B3GALT5: variants seen among roughly 807,000 people sequenced by gnomAD.
B3GALT5 encodes beta-1,3-galactosyltransferase 5, also known as UDP-Gal:betaGlcNAc beta 1,3-galactosyltransferase, polypeptide 5.
For missense variants in B3GALT5, 328 were observed against 396.6 expected, an observed-to-expected ratio of 0.83 and a Z score of 1.47; for synonymous variants, 156 against 158.6, an observed-to-expected ratio of 0.98 and a Z score of 0.12.
chr21:39,643,253 G>A lies in B3GALT5; in HGVS notation c.-391-3139G>A, dbSNP rs118166176. On this transcript the variant is annotated intron_variant, in intron 1 of 3. Transcript: ENST00000684187. ...AAGCCCATCAGTGCAGTTTCATGTT[G>A]GTGAAAATAAAAGCCTGGGCCGGGC... Among the ~76,000 whole-genome samples the A allele has an allele frequency of 4.2e-3, 626 of 149,970 alleles. 5 individuals carry two copies. The highest frequency in any genetic ancestry group is 0.025 in the East Asian group (125 of 4,948).
At position 39,639,412 on chromosome 21, in the gene B3GALT5, CTTTCTT is replaced by C. The variant is rs1355080751; in HGVS notation, c.-391-6978_-391-6973del. ...CTTCCTTCTTTCTTTTTCTTTCTTT[CTTTCTT>C]TCTTTCTTTCTTTCTTTCTTTCTTT... is the stretch of plus-strand genomic sequence containing the variant. On this transcript the variant is annotated intron_variant, in intron 1 of 3. Transcript: ENST00000684187. Among the ~76,000 whole-genome samples the C allele has an allele frequency of 1.6e-3, 156 of 99,110 alleles. 4 individuals are homozygous for C. The highest frequency in any genetic ancestry group is 2.3e-3 in the Admixed American group (22 of 9,362). The allele number at this position is 99,110 out of a possible 152,430, so 65.0% of individuals were successfully genotyped here. A position where few individuals can be genotyped will look rare whatever the true frequency, so the allele number is the denominator to read the frequency against.
intron 1 of B3GALT5, among the ~76,000 whole-genome samples, chr21:39,629,549 A>C (rs1374083848): frequency 6.6e-6 from 1 of 152,090 alleles, no homozygotes; most frequent in Admixed American, 6.6e-5. Context: ...ACTTTCTGTA[A>C]CTTTTTAGAA....
At chr21:39,631,129 T>C (rs1475203160) in intron 1 of B3GALT5, among the ~76,000 whole-genome samples, 1 of 152,196 alleles carries the variant, frequency 6.6e-6, no homozygotes, top group Non-Finnish European at 1.5e-5. Context: ...ATGTAGTAAA[T>C]GTATTAGTTT....
At chr21:39,637,235 C>T (rs760987012) in intron 1 of B3GALT5, among the ~76,000 whole-genome samples, 29 of 152,192 alleles carry the variant, frequency 1.9e-4, no homozygotes, top group Non-Finnish European at 2.9e-4. Flanking sequence ...GATGTCTGTT[C>T]CTGCACTTGC....
chr21:39,619,791 A>G (rs1490534140), intron 1 of B3GALT5, among the ~76,000 whole-genome samples: 2 of 151,916 alleles, frequency 1.3e-5, no homozygotes, highest in African/African-American at 4.8e-5. Flanking sequence ...CTTTTCAGCC[A>G]TTCTTTTTCT....
chr21:39,658,706 G>C (rs777955210), intron 2 of B3GALT5, among the ~76,000 whole-genome samples: 1 of 152,134 alleles, frequency 6.6e-6, no homozygotes, highest in Non-Finnish European at 1.5e-5. Flanking sequence ...GACAAGTTCT[G>C]GTCTCCTGCT....
chr21:39,639,119 G>A (rs770247741), intron 1 of B3GALT5, among the ~76,000 whole-genome samples: 17 of 152,128 alleles, frequency 1.1e-4, no homozygotes, highest in Non-Finnish European at 1.5e-4. Flanking sequence ...CCATGTAGAC[G>A]GAAGCCACTT....
chr21:39,619,501 T>C (rs949223995), intron 1 of B3GALT5, among the ~76,000 whole-genome samples: 2 of 152,196 alleles, frequency 1.3e-5, no homozygotes, highest in Non-Finnish European at 2.9e-5. Flanking sequence ...AAGTATCTTA[T>C]TGATGTAATA....
chr21:39,615,699 G>C (rs981351860), intron 1 of B3GALT5, among the ~76,000 whole-genome samples: 1 of 152,142 alleles, frequency 6.6e-6, no homozygotes, highest in Non-Finnish European at 1.5e-5. Context: ...CCTCAGTTTC[G>C]TTAATTGAAA....
At chr21:39,632,098 C>T (rs1368777614) in intron 1 of B3GALT5, among the ~76,000 whole-genome samples, 2 of 152,160 alleles carry the variant, frequency 1.3e-5, no homozygotes, top group Non-Finnish European at 2.9e-5. Context: ...GAAGTTCTGC[C>T]TGACAGCCTG....
chr21:39,651,514 A>G (rs2079395135), intron 2 of B3GALT5, among the ~76,000 whole-genome samples: 1 of 152,186 alleles, frequency 6.6e-6, no homozygotes, highest in African/African-American at 2.4e-5. Context: ...TCCCTGGAGA[A>G]ATACCCATCA....
At chr21:39,657,557 A>C (rs1602301122) in intron 2 of B3GALT5, 2 of 213,856 alleles carry the variant, frequency 9.4e-6, no homozygotes, top group Non-Finnish European at 1.8e-5. Flanking sequence ...ACTGAGCCAC[A>C]CTCCTGGCAT....
rs1272251241 is a variant in B3GALT5 at position 39,665,665 on chromosome 21, C to T, written c.*4173C>T. 1 of 152,254 alleles carries T rather than the reference C, an allele frequency of 6.6e-6. No individual in the cohort carries two copies. Among genetic ancestry groups the T allele is most frequent in the African/African-American group, 2.4e-5 (1 of 41,430 alleles). 9.4% of individuals were successfully genotyped at this position (152,254 alleles called of 1,614,324 possible). Reference sequence around the variant, plus strand: ...GGAGTGCCCTTTCTTCAGATGCTCTCATGCTTCGCTTCTTTGCCTTGTTGA... The same window carrying T: ...GGAGTGCCCTTTCTTCAGATGCTCTTATGCTTCGCTTCTTTGCCTTGTTGA... On this transcript the variant is annotated 3_prime_UTR_variant, in exon 4 of 4. Transcript: ENST00000684187.
At chr21:39,624,172 A>G (rs1042945461) in intron 1 of B3GALT5, among the ~76,000 whole-genome samples, 8 of 152,218 alleles carry the variant, frequency 5.3e-5, no homozygotes, top group Non-Finnish European at 1.2e-4. Flanking sequence ...AAGGGAAACT[A>G]TTAATGAAAC....
chr21:39,614,262 A>G (rs980728663), intron 1 of B3GALT5, among the ~76,000 whole-genome samples: 1 of 152,112 alleles, frequency 6.6e-6, no homozygotes, highest in East Asian at 1.9e-4. Context: ...TTGCATGTGT[A>G]TTAAGTCTTG....
chr21:39,616,755 A>G (rs542534412), intron 1 of B3GALT5, among the ~76,000 whole-genome samples: 8 of 152,316 alleles, frequency 5.3e-5, no homozygotes, highest in African/African-American at 1.9e-4. Flanking sequence ...ATGAAGGAGC[A>G]GAAGCAGTGG....
chr21:39,613,988 A>G (rs1474366333), intron 1 of B3GALT5, among the ~76,000 whole-genome samples: 1 of 152,112 alleles, frequency 6.6e-6, no homozygotes, highest in East Asian at 1.9e-4. Context: ...TTTCAAAGAG[A>G]TGGAGATGGA....
Position 39,668,127 on chromosome 21 carries a change from TC to T in B3GALT5, c.*6637del, listed in dbSNP as rs1361581587. On this transcript the variant is annotated 3_prime_UTR_variant, in exon 4 of 4. Coordinates refer to ENST00000684187, the MANE Select transcript of B3GALT5 (RefSeq NM_001356336.2). The stretch of plus-strand genomic sequence containing the variant: ...GCAGCAATGGGTTTGCTTGGTTATT[TC>T]CTGATTTGGGGTAAATAGATCCAGA... The T allele has an allele frequency of 6.6e-6, 1 of 152,268 alleles. No homozygotes were observed. Among genetic ancestry groups the T allele is most frequent in the Admixed American group, 6.5e-5 (1 of 15,290 alleles). The allele number at this position is 152,268 out of a possible 1,614,324, so 9.4% of individuals were successfully genotyped here.
chr21:39,661,531 C>T lies in B3GALT5; in HGVS notation c.*39C>T. 1 of 1,472,720 alleles carries T rather than the reference C, an allele frequency of 6.8e-7. No individual in the cohort carries two copies. The highest frequency in any genetic ancestry group is 9.0e-7 in the Non-Finnish European group (1 of 1,110,922). 91.2% of individuals were successfully genotyped at this position (1,472,720 alleles called of 1,614,324 possible). On this transcript the variant is annotated 3_prime_UTR_variant, in exon 4 of 4. Coordinates refer to ENST00000684187, the MANE Select transcript of B3GALT5 (RefSeq NM_001356336.2). The surrounding 1 kb of genome is among the most constrained non-coding windows in gnomAD (Gnocchi z 4.7). ...GCACATCCGGACAAGTTTCAGATAA[C>T]CCGTGGGGATAGTTTTTGCTAGATT...
Sources: allele counts gnomAD v4.1 joint callset (sites outside exome capture counted in the v4.1 genomes callset), GRCh38; gene constraint gnomAD v4.1.1; non-coding constraint Gnocchi (gnomAD v3.1); transcripts MANE v1.5; gene names NCBI Gene and HGNC (gene_info 2026-07-23, HGNC 2026-07-21).